The following C2orf69 variants were observed in gnomAD, a reference collection of about 807,000 sequenced individuals.
The protein encoded by C2orf69 is chromosome 2 open reading frame 69.
Under a neutral mutation model 29.5 loss-of-function variants are expected in C2orf69, and 19 were observed. That is an observed-to-expected ratio of 0.65 (90% CI 0.45 to 0.95). The LOEUF (loss-of-function observed/expected upper bound fraction) is 0.95. Ranked by LOEUF, C2orf69 falls within the 40% of genes least tolerant of loss-of-function variation. C2orf69 has a pLI of 0.00. For synonymous variants in C2orf69, 194 were observed against 180.0 expected (o/e 1.08, Z -0.62); for missense variants, 416 against 482.1 (o/e 0.86, Z 1.28).
At chr2:199,911,857 G>C in intron 1 of C2orf69, 86 bp downstream of exon 1, 3 of 1,519,402 alleles carry the variant, frequency 2.0e-6, no homozygotes, top group Non-Finnish European at 2.6e-6. Context: ...GCTGCTGCCT[G>C]GTTCCTTTCC....
chr2:199,918,263 A>AT lies in C2orf69; in HGVS notation c.333+6499dup, dbSNP rs201499190. Among the ~76,000 whole-genome samples, 148 of 152,260 alleles carry AT rather than the reference A, an allele frequency of 9.7e-4. 6 individuals are homozygous for AT. In the East Asian group the frequency reaches 0.024, roughly 25 times the overall value. On this transcript the variant is annotated intron_variant, in intron 1 of 1. Coordinates refer to ENST00000319974, the MANE Select transcript of C2orf69 (RefSeq NM_153689.6). ...ATAATGATTTTGAAGGGTGATCAAGATTTTTTTAAAGTAGGTGCTTTCCAT... is the reference window on the plus strand; with the variant it reads ...ATAATGATTTTGAAGGGTGATCAAGATTTTTTTTAAAGTAGGTGCTTTCCAT...
In C2orf69 at chr2:199,925,673, A is replaced by G. The variant is rs766081242; in HGVS notation, c.945A>G (p.Glu315=). ...GCAATACTTGGGTTACTTATCCAGA[A>G]GTCTTGAAAGAATTTGCACAAACAG... ...GGSNTWVTYP[E]VLKEFAQTGI... is the part of the protein sequence containing the mutation. The change falls in exon 2 of 2, where the codon GAA becomes GAG. Residue 315 remains glutamate, a synonymous_variant. Transcript: ENST00000319974. This position sits in a 1 kb window ranked among gnomAD's most constrained non-coding sequence, Gnocchi z 4.9. 8.7e-6 allele frequency: 14 copies of G among 1,613,838 alleles called. No individual in the cohort carries two copies. The highest frequency in any genetic ancestry group is 5.9e-6 in the Non-Finnish European group (7 of 1,179,830).
chr2:199,913,324 A>AAT (rs1268071452), intron 1 of C2orf69, among the ~76,000 whole-genome samples: 14 of 103,218 alleles, frequency 1.4e-4, no homozygotes, highest in African/African-American at 4.4e-4. Context: ...TATTATATAT[A>AAT]ATATATATTC....
chr2:199,914,949 T>C (rs957600424), intron 1 of C2orf69, among the ~76,000 whole-genome samples: 1 of 152,206 alleles, frequency 6.6e-6, no homozygotes, highest in African/African-American at 2.4e-5. Context: ...CTAGTTTTCG[T>C]TTTGAGTTTT....
At chr2:199,922,824 C>A (rs2077322157) in intron 1 of C2orf69, among the ~76,000 whole-genome samples, 1 of 152,132 alleles carries the variant, frequency 6.6e-6, no homozygotes, top group Admixed American at 6.5e-5. Flanking sequence ...TCAGCTATTG[C>A]CCCTTCATTA....
At position 199,927,006 on chromosome 2, in the gene C2orf69, A is replaced by C. The variant is rs2077337720; in HGVS notation, c.*1120A>C. ...AAAAGAAAATAGCTCTCTTTGGCCAAAATGCAAAATTACATTGCTATAAGA... is the reference window on the plus strand; with the variant it reads ...AAAAGAAAATAGCTCTCTTTGGCCACAATGCAAAATTACATTGCTATAAGA... On this transcript the variant is annotated 3_prime_UTR_variant, in exon 2 of 2. Transcript: ENST00000319974. 1 of 152,618 alleles carries C rather than the reference A, an allele frequency of 6.6e-6. No homozygotes were observed. Among genetic ancestry groups the C allele is most frequent in the African/African-American group, 2.4e-5 (1 of 41,446 alleles). The allele number at this position is 152,618 out of a possible 1,614,324, so 9.5% of individuals were successfully genotyped here.
chr2:199,921,793 G>C (rs7592587), intron 1 of C2orf69, among the ~76,000 whole-genome samples: 103,322 of 151,176 alleles, frequency 0.68, 35,629 homozygotes, highest in South Asian at 0.83. Context: ...GAAAACGACT[G>C]CTAGACATCA....
rs1205064715 is a variant in C2orf69, at chr2:199,926,326, G to A, written c.*440G>A. ...CTTCAAACAAAAGCAAAGGTACGATGCTGTTTTCTATCATTTTGGAATAAC... is the reference window on the plus strand; with the variant it reads ...CTTCAAACAAAAGCAAAGGTACGATACTGTTTTCTATCATTTTGGAATAAC... On this transcript the variant is annotated 3_prime_UTR_variant, in exon 2 of 2. Coordinates refer to ENST00000319974, the MANE Select transcript of C2orf69 (RefSeq NM_153689.6). The A allele has an allele frequency of 6.2e-6, 1 of 160,940 alleles. No individual in the cohort carries two copies. Among genetic ancestry groups the A allele is most frequent in the Non-Finnish European group, 1.4e-5 (1 of 72,540 alleles). 10.0% of individuals were successfully genotyped at this position (160,940 alleles called of 1,614,324 possible).
chr2:199,920,596 CATG>C (rs879481094), intron 1 of C2orf69, among the ~76,000 whole-genome samples: 6 of 152,078 alleles, frequency 3.9e-5, no homozygotes, highest in African/African-American at 7.2e-5. Flanking sequence ...CCTATGATTT[CATG>C]ATAATTGGAT....
chr2:199,921,257 C>T lies in C2orf69; in HGVS notation c.334-3805C>T, dbSNP rs558276986. Among the ~76,000 whole-genome samples, 11 of 151,946 alleles carry T rather than the reference C, an allele frequency of 7.2e-5. No homozygotes were observed. The East Asian group carries it at 2.0e-3, about 27-fold the overall frequency. On this transcript the variant is annotated intron_variant, in intron 1 of 1. Coordinates refer to ENST00000319974, the MANE Select transcript of C2orf69 (RefSeq NM_153689.6). ...TCCTGACCTCGTGATCCGCCTGGCT[C>T]GGCCTCCCAAAGTGCTGGGATTACA...
rs1459014882 is a variant in C2orf69, at chr2:199,925,295, GT to G, written c.569del (p.Leu190TyrfsTer2). ...TTGGAGCTTTTAAGCACCTTTATAT[GT>G]TATTAGTTAATGCTTTTAATTTAAG... Reference protein sequence around the residue: ...DFGAFKHLYMLLVNAFNLSQN... With the variant: ...DFGAFKHLYMXLVNAFNLSQN... On this transcript the variant is annotated frameshift_variant, in exon 2 of 2. Transcript: ENST00000319974. LOFTEE classifies it high-confidence loss of function. The surrounding 1 kb of genome is among the most constrained non-coding windows in gnomAD (Gnocchi z 4.9). 1 of 1,611,982 alleles carries G rather than the reference GT, an allele frequency of 6.2e-7. No individual in the cohort carries two copies. Among genetic ancestry groups the G allele is most frequent in the African/African-American group, 1.3e-5 (1 of 74,856 alleles).
intron 1 of C2orf69, among the ~76,000 whole-genome samples, chr2:199,920,261 T>C (rs1262149067): frequency 6.6e-6 from 1 of 152,166 alleles, no homozygotes; most frequent in Non-Finnish European, 1.5e-5. Flanking sequence ...TGGTGCCTCT[T>C]TTTAGAATAT....
At position 199,911,325 on chromosome 2, in the gene C2orf69, G is replaced by A; in HGVS notation, c.-114G>A. 1.6e-6 allele frequency: 2 copies of A among 1,281,228 alleles called. No individual in the cohort carries two copies. Among genetic ancestry groups the A allele is most frequent in the Non-Finnish European group, 1.0e-6 (1 of 991,608 alleles). 79.4% of individuals were successfully genotyped at this position (1,281,228 alleles called of 1,614,324 possible). A position where few individuals can be genotyped will look rare whatever the true frequency, so the allele number is the denominator to read the frequency against. On this transcript the variant is annotated 5_prime_UTR_variant, in exon 1 of 2. Coordinates refer to ENST00000319974, the MANE Select transcript of C2orf69 (RefSeq NM_153689.6). Reference sequence around the variant, plus strand: ...GTCGTCGCCTCAGCGCCGGCTCCCGGCCGGGCCGCGGCCGCCGACCGTTGA... The same window carrying A: ...GTCGTCGCCTCAGCGCCGGCTCCCGACCGGGCCGCGGCCGCCGACCGTTGA...
Position 199,911,484 on chromosome 2 carries a change from C to G in C2orf69, c.46C>G (p.Leu16Val). The G allele has an allele frequency of 3.9e-6, 6 of 1,546,920 alleles. No individual in the cohort carries two copies. The highest frequency in any genetic ancestry group is 5.2e-6 in the Non-Finnish European group (6 of 1,145,242). The part of the protein sequence containing the change: ...LLRSPPLLLL[L>V]PQLGIGNASS... ...GCGGTCGCCGCCGTTGCTGCTCCTG[C>G]TGCCGCAGCTCGGAATCGGAAACGC... The change falls in exon 1 of 2, where the codon CTG becomes GTG. Residue 16 changes from leucine (L) to valine (V), a missense_variant. Transcript: ENST00000319974.
At chr2:199,923,036 C>T (rs1237172317) in intron 1 of C2orf69, among the ~76,000 whole-genome samples, 1 of 152,196 alleles carries the variant, frequency 6.6e-6, no homozygotes, top group Non-Finnish European at 1.5e-5. Context: ...ATTGCTGTGT[C>T]TGGGTTATGT....
At chr2:199,914,558 C>T (rs1156620055) in intron 1 of C2orf69, among the ~76,000 whole-genome samples, 4 of 152,150 alleles carry the variant, frequency 2.6e-5, no homozygotes, top group Non-Finnish European at 5.9e-5. Context: ...TGTGCAGTCA[C>T]TTCCCATGTC....
Position 199,911,521 on chromosome 2 carries a change from C to G in C2orf69, c.83C>G (p.Ser28Cys), listed in dbSNP as rs1032126923. Residue 28 changes from serine to cysteine, a missense_variant, in exon 1 of 2, where the codon TCT (serine) becomes TGT (cysteine). Around this residue, in one of 4 missense-constraint regions of C2orf69, gnomAD observed 175 missense variants for 139.9 expected, o/e 1.25. Coordinates refer to ENST00000319974, the MANE Select transcript of C2orf69 (RefSeq NM_153689.6). ...QLGIGNASSCSQARTMNPGGS... is the reference protein window; with the variant it reads ...QLGIGNASSCCQARTMNPGGS... Reference sequence around the variant, plus strand: ...GGAATCGGAAACGCCTCGTCCTGCTCTCAGGCCAGAACCATGAACCCGGGC... The same window carrying G: ...GGAATCGGAAACGCCTCGTCCTGCTGTCAGGCCAGAACCATGAACCCGGGC... 24 of 1,549,496 alleles carry G rather than the reference C, an allele frequency of 1.5e-5. No homozygotes were observed. The African/African-American group carries it at 2.9e-4, about 19-fold the overall frequency.
chr2:199,912,678 T>C (rs2077270157), intron 1 of C2orf69, among the ~76,000 whole-genome samples: 1 of 152,170 alleles, frequency 6.6e-6, no homozygotes, highest in African/African-American at 2.4e-5. Flanking sequence ...TCTTGCTTAG[T>C]TGCCCAGGCT....
chr2:199,913,406 T>TATATATTCTATTATATAA (rs2077280543), intron 1 of C2orf69, among the ~76,000 whole-genome samples: 1 of 85,764 alleles, frequency 1.2e-5, no homozygotes, highest in Admixed American at 1.7e-4. Context: ...ATATTATATA[T>TATATATTCTATTATATAA]AATATATATT....
Sources: allele counts gnomAD v4.1 joint callset (sites outside exome capture counted in the v4.1 genomes callset), GRCh38; gene constraint gnomAD v4.1.1; regional missense constraint gnomAD v4.1.1; non-coding constraint Gnocchi (gnomAD v3.1); transcripts MANE v1.5; gene names NCBI Gene and HGNC (gene_info 2026-07-23, HGNC 2026-07-21).